USH2A: variants seen among roughly 807,000 people sequenced by gnomAD.
USH2A encodes the protein usherin.
In USH2A, 443 loss-of-function variants were observed where a neutral mutation model predicts 538.9. That is an observed-to-expected ratio of 0.82 (90% CI 0.76 to 0.89). USH2A has a LOEUF of 0.89. USH2A is among the 40% of genes least tolerant of loss of function. The pLI is 0.00. For missense variants in USH2A, 6,633 were observed against 6,324.8 expected, an observed-to-expected ratio of 1.05 and a Z score of -1.65; for synonymous variants, 2,413 against 2,273.5, an observed-to-expected ratio of 1.06 and a Z score of -1.75.
intron 23 of USH2A, among the ~76,000 whole-genome samples, chr1:216,087,702 A>G (rs2032176854): frequency 1.3e-5 from 2 of 152,102 alleles, no homozygotes; most frequent in Non-Finnish European, 2.9e-5. Flanking sequence ...CCTCAATCTC[A>G]TCACCAAATC....
intron 40 of USH2A, among the ~76,000 whole-genome samples, chr1:215,898,526 A>T (rs147812171): frequency 8.6e-4 from 131 of 152,100 alleles, no homozygotes; most frequent in Non-Finnish European, 1.5e-3. Flanking sequence ...TTGTGGGGAG[A>T]TTACCGCTGA....
At chr1:215,840,960 T>C (rs1017156027) in intron 46 of USH2A, among the ~76,000 whole-genome samples, 1 of 152,168 alleles carries the variant, frequency 6.6e-6, no homozygotes, top group Non-Finnish European at 1.5e-5. Context: ...TAAACATCAG[T>C]CCACATATTC....
rs756209948 is a variant in USH2A, at chr1:216,422,301, G to C, written c.36C>G (p.Phe12Leu). 2 of 1,613,762 alleles carry C rather than the reference G, an allele frequency of 1.2e-6. No homozygotes were observed. The highest frequency in any genetic ancestry group is 1.7e-6 in the Non-Finnish European group (2 of 1,179,824). The part of the protein sequence containing the change: ...NCPVLSLGSG[F>L]LFQVIEMLIF... ...TCAACATTTCAATGACCTGAAACAAGAAGCCAGAGCCCAATGAAAGAACTG... is the reference window on the plus strand; with the variant it reads ...TCAACATTTCAATGACCTGAAACAACAAGCCAGAGCCCAATGAAAGAACTG... Residue 12 changes from phenylalanine to leucine, a missense_variant, in exon 2 of 72, where the codon TTC becomes TTG. Phe to Leu is a conservative substitution (Grantham distance 22). Transcript: ENST00000307340.
intron 3 of USH2A, among the ~76,000 whole-genome samples, chr1:216,373,676 T>C (rs2038758878): frequency 6.6e-6 from 1 of 152,168 alleles, no homozygotes; most frequent in South Asian, 2.1e-4. Flanking sequence ...CATTTTATCT[T>C]TAAAGCCCAT....
intron 11 of USH2A, among the ~76,000 whole-genome samples, chr1:216,281,943 C>T (rs1009926277): frequency 6.8e-5 from 9 of 133,274 alleles, no homozygotes; most frequent in African/African-American, 2.5e-4. Flanking sequence ...TTTTGATTTG[C>T]ATTTCCCTGA....
At chr1:215,994,805 T>C (rs891483355) in intron 34 of USH2A, among the ~76,000 whole-genome samples, 1 of 151,820 alleles carries the variant, frequency 6.6e-6, no homozygotes, top group Non-Finnish European at 1.5e-5. Context: ...ACGATTAAAA[T>C]AGAAAAAAAG....
chr1:216,145,911 A>G (rs2033690269), intron 21 of USH2A, among the ~76,000 whole-genome samples: 1 of 151,476 alleles, frequency 6.6e-6, no homozygotes, highest in African/African-American at 2.4e-5. Context: ...TTACCTACCC[A>G]AATCCTATAA....
rs200895121 is a variant in USH2A at position 215,822,717 on chromosome 1, A to AT, written c.9372-5523dup. Among the ~76,000 whole-genome samples, 612 of 151,762 alleles carry AT rather than the reference A, an allele frequency of 4.0e-3. 4 individuals are homozygous for AT. Among genetic ancestry groups the AT allele is most frequent in the Middle Eastern group, 0.014 (4 of 294 alleles). ...TCCAGTTCTTCCAGGAAAGACTTTC[A>AT]TTTTTTCCCAGTTCAGTACAATGTT... On this transcript the variant is annotated intron_variant, in intron 47 of 71. Coordinates refer to ENST00000307340, the MANE Select transcript of USH2A (RefSeq NM_206933.4).
intron 22 of USH2A, among the ~76,000 whole-genome samples, chr1:216,093,966 A>G (rs545689386): frequency 6.6e-6 from 1 of 152,122 alleles, no homozygotes; most frequent in East Asian, 1.9e-4. Flanking sequence ...AACAAAATCA[A>G]CCTCAAGGGG....
intron 21 of USH2A, among the ~76,000 whole-genome samples, chr1:216,100,967 G>T (rs566794585): frequency 2.4e-3 from 364 of 152,214 alleles, no homozygotes; most frequent in Admixed American, 4.8e-3. Context: ...TTCTTAAGAA[G>T]GGAAGCTATA....
chr1:215,850,280 A>T (rs148021017), intron 44 of USH2A, among the ~76,000 whole-genome samples: 1 of 152,214 alleles, frequency 6.6e-6, no homozygotes, highest in African/African-American at 2.4e-5. Flanking sequence ...ATTAGTAACC[A>T]TTAATATCAT....
intron 37 of USH2A, among the ~76,000 whole-genome samples, chr1:215,946,087 A>G (rs1183515428): frequency 6.6e-6 from 1 of 152,186 alleles, no homozygotes; most frequent in Non-Finnish European, 1.5e-5. Context: ...ATGCTGCTCT[A>G]AACTTGGTGG....
chr1:216,007,015 G>A (rs886489656), intron 32 of USH2A, among the ~76,000 whole-genome samples: 22 of 152,094 alleles, frequency 1.4e-4, no homozygotes, highest in African/African-American at 5.3e-4. Context: ...GAATCATGGG[G>A]GCAGTTTCCC....
intron 4 of USH2A, among the ~76,000 whole-genome samples, chr1:216,339,177 C>T (rs1026819882): frequency 6.6e-6 from 1 of 151,114 alleles, no homozygotes; most frequent in Non-Finnish European, 1.5e-5. Flanking sequence ...AATAGAGAAA[C>T]TAAAATGAAT....
intron 61 of USH2A, among the ~76,000 whole-genome samples, chr1:215,683,136 C>A (rs1571955411): frequency 1.3e-5 from 2 of 151,968 alleles, no homozygotes; most frequent in East Asian, 3.9e-4. Flanking sequence ...ACCCTTCTGC[C>A]TTGGCTGCGC....
chr1:216,268,384 T>C (rs1310855187), intron 11 of USH2A, among the ~76,000 whole-genome samples: 6 of 152,142 alleles, frequency 3.9e-5, no homozygotes, highest in Non-Finnish European at 7.4e-5. Flanking sequence ...CTCATAGGTC[T>C]GTTGTCAGGA....
intron 21 of USH2A, among the ~76,000 whole-genome samples, chr1:216,125,446 C>T (rs1186745822): frequency 6.6e-6 from 1 of 152,068 alleles, no homozygotes; most frequent in Admixed American, 6.6e-5. Context: ...AAATCAGATG[C>T]ATGCATAAAG....
intron 11 of USH2A, among the ~76,000 whole-genome samples, chr1:216,261,896 G>C (rs1163741419): frequency 6.6e-6 from 1 of 152,230 alleles, no homozygotes; most frequent in Middle Eastern, 3.4e-3. Context: ...TTCCAGTAAA[G>C]TCATGTCACT....
chr1:215,930,582 C>T (rs1558167174), intron 38 of USH2A, among the ~76,000 whole-genome samples: 1 of 152,018 alleles, frequency 6.6e-6, no homozygotes, highest in South Asian at 2.1e-4. Context: ...TTAACTGGTG[C>T]TTCCATCATT....
Sources: gnomAD v4.1 joint callset for allele counts (sites outside exome capture counted in the v4.1 genomes callset) on GRCh38, gnomAD v4.1.1 for gene constraint, MANE v1.5 for transcripts, NCBI Gene and HGNC (gene_info 2026-07-23, HGNC 2026-07-21) for gene names.